Variants in VIPR1 observed in about 807,000 individuals in gnomAD.
VIPR1 encodes the protein vasoactive intestinal polypeptide receptor 1.
Under a neutral mutation model 58.8 loss-of-function variants are expected in VIPR1, and 59 were observed. The ratio of observed to expected loss-of-function variants is 1.00; its 90% CI spans 0.81 to 1.25. The LOEUF (loss-of-function observed/expected upper bound fraction) is 1.25. Among genes scored for constraint, VIPR1 ranks in the 50% most tolerant of loss-of-function variants. The probability of loss-of-function intolerance (pLI) is 0.00; values close to 1 mark genes in which losing one functional copy is unlikely to be tolerated. For missense variants in VIPR1, 626 were observed against 602.7 expected (o/e 1.04, Z -0.40); for synonymous variants, 251 against 242.1 (o/e 1.04, Z -0.34).
rs559421642 is a variant in VIPR1, at chr3:42,527,438, G to A, written c.445G>A (p.Gly149Ser). 15 of 1,613,592 alleles carry A rather than the reference G, an allele frequency of 9.3e-6. No homozygotes were observed. The highest frequency in any genetic ancestry group is 1.7e-4 in the Middle Eastern group (1 of 6,060). ...YGSVKTGYTIGYGLSLATLLV... is the reference protein window; with the variant it reads ...YGSVKTGYTISYGLSLATLLV... ...TTCTGTGAAGACCGGCTACACCATT[G>A]GCTACGGCCTGTCCCTCGCCACCCT... Residue 149 changes from glycine to serine, a missense_variant, in exon 5 of 13, where the codon GGC becomes AGC. Gly to Ser is a moderately conservative substitution (Grantham distance 56). Coordinates refer to ENST00000325123, the MANE Select transcript of VIPR1 (RefSeq NM_004624.4).
At chr3:42,504,752 T>G in intron 1 of VIPR1, among the ~76,000 whole-genome samples, 1 of 28,970 alleles carries the variant, frequency 3.5e-5, no homozygotes, top group Non-Finnish European at 7.7e-5. Flanking sequence ...GGACTCGGTG[T>G]GACGGCGGGG....
rs1262357583 is a variant in VIPR1 at position 42,497,440 on chromosome 3, G to A, written c.-245+7762G>A. Among the ~76,000 whole-genome samples, 7 of 152,050 alleles carry A rather than the reference G, an allele frequency of 4.6e-5. No individual in the cohort carries two copies. In the East Asian group the frequency reaches 7.7e-4, roughly 17 times the overall value. On this transcript the variant is annotated intron_variant, in intron 1 of 13. Transcript: ENST00000433647. ...CACACACTCACATGCTCTTACACGC[G>A]GACATACATGCACACACACACACGC...
chr3:42,527,722 C>T (rs940933970), intron 5 of VIPR1: 8 of 633,868 alleles, frequency 1.3e-5, no homozygotes, highest in African/African-American at 5.5e-5. Context: ...CACCTGGGGA[C>T]AGGGCACCAG....
intron 5 of VIPR1, 100 bp from the exon 6 acceptor site, chr3:42,527,891 A>T: frequency 1.3e-6 from 2 of 1,508,368 alleles, no homozygotes; most frequent in Non-Finnish European, 1.8e-6. Flanking sequence ...TGGAGGACAC[A>T]TGCTCCCCTG....
chr3:42,509,356 G>A (rs1700261900), intron 1 of VIPR1: 1 of 152,210 alleles, frequency 6.6e-6, no homozygotes, highest in African/African-American at 2.4e-5. Flanking sequence ...CTTCCCTTGA[G>A]GGGATTGAAC....
chr3:42,536,078 C>T lies in VIPR1; in HGVS notation c.1183-12C>T. 8 of 1,586,374 alleles carry T rather than the reference C, an allele frequency of 5.0e-6. No homozygotes were observed. The South Asian group carries it at 9.3e-5, about 18-fold the overall frequency. ...CCACAGCAGTGGGCCTGACCACCTT[C>T]CCCTCTCCTAGGTGCAGGCGGAGCT... is the stretch of plus-strand genomic sequence containing the variant. On this transcript the variant is annotated splice_polypyrimidine_tract_variant and intron_variant, in intron 12 of 12. Coordinates refer to ENST00000325123, the MANE Select transcript of VIPR1 (RefSeq NM_004624.4).
intron 1 of VIPR1, among the ~76,000 whole-genome samples, chr3:42,491,989 G>C (rs1056028664): frequency 6.6e-6 from 1 of 152,202 alleles, no homozygotes; most frequent in Admixed American, 6.5e-5. Context: ...AGGTGAGCAG[G>C]TGAGGGATAA....
At chr3:42,512,212 C>G (rs892795080) in intron 1 of VIPR1, 1 of 152,210 alleles carries the variant, frequency 6.6e-6, no homozygotes, top group Non-Finnish European at 1.5e-5. Context: ...TGGACCTGGA[C>G]GAGGTCAACC....
chr3:42,497,193 AC>A (rs1490195267), intron 1 of VIPR1, among the ~76,000 whole-genome samples: 1 of 151,964 alleles, frequency 6.6e-6, no homozygotes, highest in Non-Finnish European at 1.5e-5. Context: ...AAGTGGCCTC[AC>A]CCCCCTCAGG....
At position 42,502,786 on chromosome 3, in the gene VIPR1, C is replaced by G. The variant is rs762139215; in HGVS notation, c.51C>G (p.Gly17=). The part of the protein sequence containing the change: ...LPARWLCVLA[G]ALAWALGPAG... ...CCCGCTGGCTATGCGTGCTGGCAGGCGCCCTCGCCTGGGCCCTTGGGCCGG... is the reference window on the plus strand; with the variant it reads ...CCCGCTGGCTATGCGTGCTGGCAGGGGCCCTCGCCTGGGCCCTTGGGCCGG... Residue 17 remains glycine, a synonymous_variant, in exon 1 of 13, where the codon GGC becomes GGG. Transcript: ENST00000325123. 2.6e-5 allele frequency: 33 copies of G among 1,284,886 alleles called. No homozygotes were observed. The South Asian group carries it at 6.8e-4, about 26-fold the overall frequency. The allele number at this position is 1,284,886 out of a possible 1,614,324, so 79.6% of individuals were successfully genotyped here. A position where few individuals can be genotyped will look rare whatever the true frequency, so the allele number is the denominator to read the frequency against.
intron 7 of VIPR1, 66 bp from the exon 8 acceptor site, chr3:42,531,405 C>T (rs745953454): frequency 6.6e-7 from 1 of 1,509,354 alleles, no homozygotes; most frequent in Non-Finnish European, 9.0e-7. Context: ...CAAAATCTCT[C>T]CCTCATGCCC....
At chr3:42,532,138 A>AGT (rs1305921758) in intron 9 of VIPR1, 104 bp from the exon 10 acceptor site, 10 of 1,193,732 alleles carry the variant, frequency 8.4e-6, no homozygotes, top group Non-Finnish European at 1.2e-5. Flanking sequence ...AGATAGAGAG[A>AGT]GGGGCAGCAG....
chr3:42,499,647 C>G (rs546986602), upstream of VIPR1, among the ~76,000 whole-genome samples: 11 of 152,286 alleles, frequency 7.2e-5, no homozygotes, highest in South Asian at 2.3e-3. Context: ...TATGGCTCTC[C>G]TCCTCAAGCC....
At chr3:42,529,581 C>A (rs1257841921) in intron 6 of VIPR1, 3 of 151,950 alleles carry the variant, frequency 2.0e-5, no homozygotes, top group African/African-American at 7.3e-5. Flanking sequence ...ACTTTCCAAC[C>A]AAAGGGAGTG....
At chr3:42,519,586 T>A (rs775762561) in intron 3 of VIPR1, 2 of 379,848 alleles carry the variant, frequency 5.3e-6, no homozygotes, top group Non-Finnish European at 4.7e-6. Context: ...GACTGACAGG[T>A]ACTTGATTAA....
upstream of VIPR1, chr3:42,500,367 G>A (rs1699843924): frequency 6.6e-6 from 1 of 152,132 alleles, no homozygotes; most frequent in Admixed American, 6.5e-5. Flanking sequence ...ATGGCAAAGT[G>A]AGGTCTGCCT....
At position 42,537,150 on chromosome 3, in the gene VIPR1, A is replaced by T. The variant is rs904605976; in HGVS notation, c.*869A>T. The T allele has an allele frequency of 1.4e-4, 21 of 152,238 alleles. No individual in the cohort carries two copies. The highest frequency in any genetic ancestry group is 2.5e-4 in the Non-Finnish European group (17 of 68,064). The allele number at this position is 152,238 out of a possible 1,614,324, so 9.4% of individuals were successfully genotyped here. ...AGCTGCCCTCCTTGTCCACCCACCT[A>T]TGTGCCAACTGTTGTAACTAGGCTC... On this transcript the variant is annotated 3_prime_UTR_variant, in exon 13 of 13. Coordinates refer to ENST00000325123, the MANE Select transcript of VIPR1 (RefSeq NM_004624.4).
rs766279049 is a variant in VIPR1, at chr3:42,536,178, G to T, written c.1271G>T (p.Gly424Val). 1.2e-6 allele frequency: 2 copies of T among 1,606,398 alleles called. No individual in the cohort carries two copies. The highest frequency in any genetic ancestry group is 2.2e-5 in the South Asian group (2 of 89,508). Residue 424 changes from glycine to valine, a missense_variant, in exon 13 of 13, where the codon GGC becomes GTC. Coordinates refer to ENST00000325123, the MANE Select transcript of VIPR1 (RefSeq NM_004624.4). ...WNPKYRHPSG[G>V]SNGATCSTQV... Reference sequence around the variant, plus strand: ...CCCAAATACCGGCACCCGTCGGGAGGCAGCAACGGCGCCACGTGCAGCACG... The same window carrying T: ...CCCAAATACCGGCACCCGTCGGGAGTCAGCAACGGCGCCACGTGCAGCACG...
At chr3:42,531,943 G>A (rs982140287) in intron 9 of VIPR1, 74 bp downstream of exon 9, 4 of 1,549,430 alleles carry the variant, frequency 2.6e-6, no homozygotes, top group Non-Finnish European at 3.6e-6. Flanking sequence ...AAGGTCACAT[G>A]GGAAATTAGT....
Sources: gnomAD v4.1 joint callset for allele counts (sites outside exome capture counted in the v4.1 genomes callset) on GRCh38, gnomAD v4.1.1 for gene constraint, MANE v1.5 for transcripts, NCBI Gene and HGNC (gene_info 2026-07-23, HGNC 2026-07-21) for gene names.